Variants in DIS3L2 observed in about 807,000 individuals in gnomAD.
The protein encoded by DIS3L2 is DIS3 like 3'-5' exoribonuclease 2.
Under a neutral mutation model 97.5 loss-of-function variants are expected in DIS3L2, and 34 were observed. That is an observed-to-expected ratio of 0.35 (90% CI 0.27 to 0.46). The LOEUF (loss-of-function observed/expected upper bound fraction) is 0.46, where lower values mean the gene tolerates loss of function less well. Among genes scored for constraint, DIS3L2 ranks in the 20% least tolerant of loss-of-function variants. DIS3L2 has a pLI of 1.00. For synonymous variants in DIS3L2, 435 were observed against 445.2 expected (o/e 0.98, Z 0.29); for missense variants, 1,038 against 1,146.0 (o/e 0.91, Z 1.36).
At chr2:232,042,552 A>G (rs528230213) in intron 5 of DIS3L2, among the ~76,000 whole-genome samples, 35 of 152,176 alleles carry the variant, frequency 2.3e-4, no homozygotes, top group Non-Finnish European at 4.6e-4. Flanking sequence ...ATCCACTAAC[A>G]TGATCAGATT....
intron 5 of DIS3L2, among the ~76,000 whole-genome samples, chr2:232,036,102 C>T (rs937792798): frequency 2.0e-5 from 3 of 152,146 alleles, no homozygotes; most frequent in African/African-American, 7.2e-5. Flanking sequence ...GGATAATATC[C>T]TGAAGTGTGT....
At chr2:232,126,782 C>T (rs532876005) in intron 6 of DIS3L2, among the ~76,000 whole-genome samples, 5 of 152,282 alleles carry the variant, frequency 3.3e-5, no homozygotes, top group East Asian at 3.9e-4. Context: ...ATTCTACCAG[C>T]GTTATTTCCC....
intron 5 of DIS3L2, among the ~76,000 whole-genome samples, chr2:232,033,300 G>C (rs1694862066): frequency 6.6e-6 from 1 of 152,176 alleles, no homozygotes; most frequent in Admixed American, 6.5e-5. Flanking sequence ...AGGAACGCTT[G>C]TGATTTTTGC....
chr2:232,114,647 A>T (rs138186525), intron 6 of DIS3L2, among the ~76,000 whole-genome samples: 151 of 152,302 alleles, frequency 9.9e-4, no homozygotes, highest in East Asian at 8.7e-3. Flanking sequence ...TAAGTGGACT[A>T]TGATTGAATT....
rs185180557 is a variant in DIS3L2, at chr2:232,014,010, G to T, written c.-93-825G>T. On this transcript the variant is annotated intron_variant, in intron 1 of 20. Transcript: ENST00000325385. ...TCAGAATGACATCTTGATTCATTTT[G>T]TGGGAACTCAGGCTGCCCACAAAAA... Among the ~76,000 whole-genome samples the T allele has an allele frequency of 5.9e-5, 9 of 152,322 alleles. No homozygotes were observed. The East Asian group carries it at 1.7e-3, about 29-fold the overall frequency.
intron 11 of DIS3L2, among the ~76,000 whole-genome samples, chr2:232,246,142 AG>A (rs1244916564): frequency 1.3e-5 from 2 of 152,218 alleles, no homozygotes; most frequent in Non-Finnish European, 2.9e-5. Flanking sequence ...GCAGAAGAGC[AG>A]GGAGGATGGA....
chr2:232,128,831 A>G lies in DIS3L2; in HGVS notation c.602-1788A>G, dbSNP rs143262893. On this transcript the variant is annotated intron_variant, in intron 6 of 20. Transcript: ENST00000325385. The stretch of plus-strand genomic sequence containing the variant: ...AGGTGATTCACCTTTTCAACCTGGC[A>G]TTGTGTTTCTTTATATCCATTGACT... Among the ~76,000 whole-genome samples the G allele has an allele frequency of 1.9e-3, 286 of 152,248 alleles. 1 individual carries two copies. Among genetic ancestry groups the G allele is most frequent in the Non-Finnish European group, 3.1e-3 (213 of 68,028 alleles).
rs573478118 is a variant in DIS3L2, at chr2:232,015,746, C to T, written c.210+75C>T. 162 of 1,540,890 alleles carry T rather than the reference C, an allele frequency of 1.1e-4. No individual in the cohort carries two copies. In the African/African-American group the frequency reaches 1.9e-3, roughly 18 times the overall value. ...ACAATCTATTAAACTGTTTCCTGTTCTGTGCTATATGCTTTCAGAGAGACG... is the reference window on the plus strand; with the variant it reads ...ACAATCTATTAAACTGTTTCCTGTTTTGTGCTATATGCTTTCAGAGAGACG... On this transcript the variant is annotated intron_variant, in intron 3 of 20. Coordinates refer to ENST00000325385, the MANE Select transcript of DIS3L2 (RefSeq NM_152383.5).
In DIS3L2 at chr2:232,292,651, C is replaced by G. The variant is rs1694632673; in HGVS notation, c.1660-7389C>G. Among the ~76,000 whole-genome samples the G allele has an allele frequency of 1.3e-5, 2 of 152,212 alleles. No homozygotes were observed. The highest frequency in any genetic ancestry group is 2.1e-4 in the South Asian group (1 of 4,834). ...GGTCCAAAGGGGACCCAGTGGTAGTCTCATGCTCTGGCCGCCTGGAGCCTG... is the reference window on the plus strand; with the variant it reads ...GGTCCAAAGGGGACCCAGTGGTAGTGTCATGCTCTGGCCGCCTGGAGCCTG... On this transcript the variant is annotated intron_variant, in intron 13 of 20. Transcript: ENST00000325385. The surrounding 1 kb of genome is among the most constrained non-coding windows in gnomAD (Gnocchi z 4.4).
intron 7 of DIS3L2, among the ~76,000 whole-genome samples, chr2:232,133,430 C>T (rs763640963): frequency 2.6e-5 from 4 of 152,138 alleles, no homozygotes; most frequent in African/African-American, 4.8e-5. Context: ...TGACTGCCTT[C>T]TAAAATAAAA....
chr2:232,141,725 C>G (rs1690052564), intron 8 of DIS3L2, among the ~76,000 whole-genome samples: 2 of 152,110 alleles, frequency 1.3e-5, no homozygotes, highest in Admixed American at 1.3e-4. Flanking sequence ...GGGTGGAGGT[C>G]TGTTCTGGTA....
chr2:232,336,915 C>T lies in DIS3L2; in HGVS notation c.*285C>T. 8.0e-7 allele frequency: 1 copy of T among 1,249,136 alleles called. No individual in the cohort carries two copies. Among genetic ancestry groups the T allele is most frequent in the Non-Finnish European group, 1.0e-6 (1 of 990,902 alleles). 77.4% of individuals were successfully genotyped at this position (1,249,136 alleles called of 1,614,324 possible). ...TTCTGGGCCCTACTGCCCTCCTCTG[C>T]CCAGGAAATGGGGGGGTTTCAGCAA... On this transcript the variant is annotated 3_prime_UTR_variant, in exon 21 of 21. Transcript: ENST00000325385.
chr2:232,303,852 C>T (rs1347372173), intron 14 of DIS3L2, among the ~76,000 whole-genome samples: 1 of 152,178 alleles, frequency 6.6e-6, no homozygotes, highest in Non-Finnish European at 1.5e-5. Context: ...GTTCTCCTTT[C>T]ACATAAAGGG....
chr2:232,160,034 T>A (rs1168154957), intron 8 of DIS3L2, among the ~76,000 whole-genome samples: 2 of 152,256 alleles, frequency 1.3e-5, no homozygotes, highest in Non-Finnish European at 2.9e-5. Context: ...TCTTTTTCAA[T>A]AACTGATATA....
chr2:232,003,901 G>A (rs1443304473), intron 1 of DIS3L2, among the ~76,000 whole-genome samples: 1 of 152,146 alleles, frequency 6.6e-6, no homozygotes, highest in South Asian at 2.1e-4. Flanking sequence ...GTTTTCAGCA[G>A]TTTGATTATG....
At chr2:231,968,518 CTGT>C (rs1692795120) in intron 1 of DIS3L2, among the ~76,000 whole-genome samples, 1 of 152,218 alleles carries the variant, frequency 6.6e-6, no homozygotes, top group African/African-American at 2.4e-5. Flanking sequence ...AGAGTCATCC[CTGT>C]TGTTAAGTGT....
chr2:232,155,757 G>T (rs576977156), intron 8 of DIS3L2, among the ~76,000 whole-genome samples: 1 of 152,114 alleles, frequency 6.6e-6, no homozygotes, highest in Non-Finnish European at 1.5e-5. Flanking sequence ...TTGGGAGGCC[G>T]AGGCGGGCAG....
At chr2:232,297,598 G>C (rs883939) in intron 13 of DIS3L2, among the ~76,000 whole-genome samples, 1 of 151,942 alleles carries the variant, frequency 6.6e-6, no homozygotes, top group Non-Finnish European at 1.5e-5. Context: ...TGTCAAAGCA[G>C]TGTATGCTTA....
chr2:232,336,058 A>G (rs1372272176), intron 20 of DIS3L2, 184 bp downstream of exon 20: 4 of 1,532,018 alleles, frequency 2.6e-6, no homozygotes, highest in Non-Finnish European at 3.5e-6. Context: ...TTCTGGCACC[A>G]CCTTCCCTTC....
Sources: allele counts gnomAD v4.1 joint callset (sites outside exome capture counted in the v4.1 genomes callset), GRCh38; gene constraint gnomAD v4.1.1; non-coding constraint Gnocchi (gnomAD v3.1); transcripts MANE v1.5; gene names NCBI Gene and HGNC (gene_info 2026-07-23, HGNC 2026-07-21).